The following ITGA4 variants were observed in gnomAD, a reference collection of about 807,000 sequenced individuals.
The protein encoded by ITGA4 is integrin subunit alpha 4, also known as integrin alpha-4.
A neutral mutation model predicts 133.6 loss-of-function variants in ITGA4; 63 were observed. That is an observed-to-expected ratio of 0.47 (90% CI 0.38 to 0.58). ITGA4 has a LOEUF of 0.58. ITGA4 is among the 20% of genes least tolerant of loss of function. The pLI, the probability that ITGA4 is intolerant of heterozygous loss-of-function variation, is 0.00. For synonymous variants in ITGA4, 483 were observed against 438.0 expected, an observed-to-expected ratio of 1.10 and a Z score of -1.28; for missense variants, 1,076 against 1,252.7, an observed-to-expected ratio of 0.86 and a Z score of 2.13.
Position 181,538,116 on chromosome 2 carries a change from T to G in ITGA4, c.*2589T>G, listed in dbSNP as rs777158453. The G allele has an allele frequency of 2.3e-5, 26 of 1,120,078 alleles. No individual in the cohort carries two copies. The South Asian group carries it at 2.8e-4, about 12-fold the overall frequency. The allele number at this position is 1,120,078 out of a possible 1,614,324, so 69.4% of individuals were successfully genotyped here. ...CCAAAAAGGGTGGGGACCACAGGTTTAAAGCATGGCCACATTTCTTTATAT... is the reference window on the plus strand; with the variant it reads ...CCAAAAAGGGTGGGGACCACAGGTTGAAAGCATGGCCACATTTCTTTATAT... On this transcript the variant is annotated 3_prime_UTR_variant, in exon 28 of 28. Coordinates refer to ENST00000397033, the MANE Select transcript of ITGA4 (RefSeq NM_000885.6).
At chr2:181,508,574 T>C (rs2105755064) in intron 15 of ITGA4, among the ~76,000 whole-genome samples, 1 of 152,082 alleles carries the variant, frequency 6.6e-6, no homozygotes, top group Admixed American at 6.5e-5. Context: ...TGCATGCCTG[T>C]AATTCCAGCT....
chr2:181,505,454 G>A (rs1686374159), intron 15 of ITGA4, among the ~76,000 whole-genome samples: 1 of 151,904 alleles, frequency 6.6e-6, no homozygotes, highest in Non-Finnish European at 1.5e-5. Context: ...GCACGCTTGT[G>A]GGCACCCTAT....
At position 181,536,498 on chromosome 2, in the gene ITGA4, T is replaced by C. The variant is rs1259310957; in HGVS notation, c.*971T>C. ...TATGTATTATGTACTATGTAAAATATTGACTATCACACAACTATTTCCTTG... is the reference window on the plus strand; with the variant it reads ...TATGTATTATGTACTATGTAAAATACTGACTATCACACAACTATTTCCTTG... On this transcript the variant is annotated 3_prime_UTR_variant, in exon 28 of 28. Coordinates refer to ENST00000397033, the MANE Select transcript of ITGA4 (RefSeq NM_000885.6). Among the ~76,000 whole-genome samples the C allele has an allele frequency of 8.5e-5, 13 of 152,228 alleles. 1 individual carries two copies. In the South Asian group the frequency reaches 2.5e-3, roughly 29 times the overall value.
In ITGA4 at chr2:181,535,419, A is replaced by G; in HGVS notation, c.3004-13A>G. The G allele has an allele frequency of 1.9e-6, 3 of 1,588,404 alleles. No homozygotes were observed. In the South Asian group the frequency reaches 3.4e-5, roughly 18 times the overall value. ...ATAACTATACACTAGTGATTATGTTATGCTATTTTCAGGCTGGCTTCTTTA... is the reference window on the plus strand; with the variant it reads ...ATAACTATACACTAGTGATTATGTTGTGCTATTTTCAGGCTGGCTTCTTTA... On this transcript the variant is annotated splice_polypyrimidine_tract_variant and intron_variant, in intron 27 of 27. Coordinates refer to ENST00000397033, the MANE Select transcript of ITGA4 (RefSeq NM_000885.6).
At chr2:181,535,003 C>T in intron 27 of ITGA4, 68 bp downstream of exon 27, 1 of 1,465,592 alleles carries the variant, frequency 6.8e-7, no homozygotes, top group Non-Finnish European at 9.1e-7. Flanking sequence ...AATTTGACTT[C>T]CAAGTTATTA....
intron 10 of ITGA4, chr2:181,486,235 T>G (rs1685915357): frequency 2.5e-6 from 1 of 398,712 alleles, no homozygotes; most frequent in Non-Finnish European, 4.3e-6. Context: ...TAAGGCACCA[T>G]TGATTAGAAA....
intron 17 of ITGA4, among the ~76,000 whole-genome samples, chr2:181,519,778 A>G (rs1686681623): frequency 6.6e-6 from 1 of 152,176 alleles, no homozygotes; most frequent in Non-Finnish European, 1.5e-5. Flanking sequence ...TGGAATTTGT[A>G]TAGCATCACA....
At chr2:181,499,081 C>A (rs1559048153) in intron 15 of ITGA4, among the ~76,000 whole-genome samples, 1 of 152,160 alleles carries the variant, frequency 6.6e-6, no homozygotes. Flanking sequence ...TAGAAATATA[C>A]ATCTTCAGTA....
chr2:181,480,877 C>A (rs575830631), intron 6 of ITGA4, among the ~76,000 whole-genome samples: 4 of 152,224 alleles, frequency 2.6e-5, no homozygotes, highest in African/African-American at 9.6e-5. Context: ...ACTTTATCAT[C>A]TGTATTTCAA....
intron 2 of ITGA4, among the ~76,000 whole-genome samples, chr2:181,467,726 T>C (rs1685453854): frequency 6.6e-6 from 1 of 152,198 alleles, no homozygotes; most frequent in Non-Finnish European, 1.5e-5. Flanking sequence ...TTCAGTTAAT[T>C]CATATGTCTG....
intron 25 of ITGA4, among the ~76,000 whole-genome samples, chr2:181,532,567 G>C (rs1016090809): frequency 6.6e-6 from 1 of 152,042 alleles, no homozygotes; most frequent in Non-Finnish European, 1.5e-5. Context: ...TATTGTATAC[G>C]AATGCTTGTG....
chr2:181,520,626 G>T (rs1686698458), intron 17 of ITGA4, among the ~76,000 whole-genome samples: 1 of 152,046 alleles, frequency 6.6e-6, no homozygotes. Flanking sequence ...ATTTCTTGAG[G>T]CAGCCAATTT....
intron 16 of ITGA4, among the ~76,000 whole-genome samples, chr2:181,510,135 A>C (rs1009128062): frequency 1.3e-5 from 2 of 152,186 alleles, no homozygotes; most frequent in South Asian, 2.1e-4. Flanking sequence ...TTAGTTATTC[A>C]GTGTCATCAT....
At position 181,524,181 on chromosome 2, in the gene ITGA4, G is replaced by C; in HGVS notation, c.2180G>C (p.Ser727Thr). ...GTCTGTGTTTTACAGATAGATATTA[G>C]CTTTCTCCTGGATGTGAGCTCACTC... ...YVDHLSRIDISFLLDVSSLSR... is the reference protein window; with the variant it reads ...YVDHLSRIDITFLLDVSSLSR... Residue 727 changes from serine to threonine, a missense_variant, in exon 20 of 28, where the codon AGC becomes ACC. By Grantham distance (58) the Ser-to-Thr change is moderately conservative (BLOSUM62 1). Transcript: ENST00000397033. The C allele has an allele frequency of 6.2e-7, 1 of 1,601,648 alleles. No homozygotes were observed. Among genetic ancestry groups the C allele is most frequent in the Non-Finnish European group, 8.5e-7 (1 of 1,173,504 alleles).
At chr2:181,478,259 TAA>T (rs1685725314) in intron 4 of ITGA4, among the ~76,000 whole-genome samples, 1 of 152,026 alleles carries the variant, frequency 6.6e-6, no homozygotes, top group Non-Finnish European at 1.5e-5. Flanking sequence ...GTAGGATGAA[TAA>T]GTCTAGAGAT....
chr2:181,487,071 A>G (rs951173949), intron 10 of ITGA4, among the ~76,000 whole-genome samples: 4 of 152,236 alleles, frequency 2.6e-5, no homozygotes, highest in African/African-American at 4.8e-5. Context: ...AACTTGTTAT[A>G]CAAGTATTAC....
At chr2:181,520,175 G>C (rs1188298987) in intron 17 of ITGA4, among the ~76,000 whole-genome samples, 6 of 152,068 alleles carry the variant, frequency 3.9e-5, no homozygotes, top group Non-Finnish European at 8.8e-5. Context: ...GGGTGAAGGT[G>C]GTTAACAGTG....
intron 2 of ITGA4, among the ~76,000 whole-genome samples, chr2:181,470,339 G>A (rs186678577): frequency 4.6e-5 from 7 of 151,798 alleles, no homozygotes; most frequent in South Asian, 2.1e-4. Flanking sequence ...TGTACTTTAC[G>A]TATGGCCCAA....
intron 11 of ITGA4, among the ~76,000 whole-genome samples, chr2:181,493,813 T>G (rs758197755): frequency 1.2e-4 from 18 of 152,344 alleles, no homozygotes; most frequent in Non-Finnish European, 2.1e-4. Flanking sequence ...AACACACATA[T>G]GATTCTCTGG....
Sources: allele counts gnomAD v4.1 joint callset (sites outside exome capture counted in the v4.1 genomes callset), GRCh38; gene constraint gnomAD v4.1.1; transcripts MANE v1.5; gene names NCBI Gene and HGNC (gene_info 2026-07-23, HGNC 2026-07-21).